The following VDAC1 variants were observed in gnomAD, a reference collection of about 807,000 sequenced individuals.
The protein encoded by VDAC1 is non-selective voltage-gated ion channel VDAC1.
VDAC1 carries 10 observed loss-of-function variants against 34.7 expected under a neutral mutation model. The observed-to-expected ratio is 0.29, with a 90% CI of 0.18 to 0.49. VDAC1 has a LOEUF of 0.49. Among genes scored for constraint, VDAC1 ranks in the 20% least tolerant of loss-of-function variants. The pLI is 0.99. For synonymous variants in VDAC1, 130 were observed against 136.0 expected (o/e 0.96, Z 0.30); for missense variants, 230 against 347.9 (o/e 0.66, Z 2.69).
At chr5:134,064,864 G>A in the VDAC1 span, among the ~76,000 whole-genome samples, 1 of 151,590 alleles carries the variant, frequency 6.6e-6, no homozygotes, top group Non-Finnish European at 1.5e-5. Flanking sequence ...ACCCACAGGC[G>A]TGCACCACCA....
At chr5:133,998,201 G>A (rs182060081) in intron 1 of VDAC1, among the ~76,000 whole-genome samples, 89 of 152,288 alleles carry the variant, frequency 5.8e-4, no homozygotes, top group Non-Finnish European at 1.1e-3. Context: ...TGAATGGATG[G>A]GAAAGCATGT....
the VDAC1 span, among the ~76,000 whole-genome samples, chr5:134,041,691 G>A: frequency 1.3e-5 from 2 of 152,186 alleles, no homozygotes; most frequent in African/African-American, 4.8e-5. Context: ...AAGGGGCCTT[G>A]GAGCCATGCC....
the VDAC1 span, among the ~76,000 whole-genome samples, chr5:134,108,922 C>T: frequency 3.7e-4 from 56 of 152,260 alleles, 1 homozygote; most frequent in Middle Eastern, 3.4e-3. Flanking sequence ...CCTAGGCTGA[C>T]CTAGGACCTC....
the VDAC1 span, among the ~76,000 whole-genome samples, chr5:134,018,567 T>A: frequency 3.3e-5 from 5 of 152,190 alleles, no homozygotes; most frequent in African/African-American, 1.2e-4. Context: ...CTGTTTAGTC[T>A]GCCTGTGGAG....
chr5:134,013,188 G>C, the VDAC1 span, among the ~76,000 whole-genome samples: 2 of 151,986 alleles, frequency 1.3e-5, no homozygotes, highest in African/African-American at 4.8e-5. Context: ...CCGCGGCAAA[G>C]AATTTATAAA....
At chr5:133,992,891 A>T in intron 2 of VDAC1, 55 bp downstream of exon 2, 1 of 1,565,016 alleles carries the variant, frequency 6.4e-7, no homozygotes, top group South Asian at 1.2e-5. Flanking sequence ...GTAAAGTCTC[A>T]AACATGCCAA....
chr5:134,052,059 C>T, the VDAC1 span, among the ~76,000 whole-genome samples: 1 of 151,366 alleles, frequency 6.6e-6, no homozygotes, highest in Non-Finnish European at 1.5e-5. Context: ...ACTCTCTGAC[C>T]TTCCCCTGAA....
chr5:134,003,904 A>G (rs1245084044), intron 1 of VDAC1, among the ~76,000 whole-genome samples: 1 of 152,226 alleles, frequency 6.6e-6, no homozygotes, highest in Non-Finnish European at 1.5e-5. Context: ...AGTTTCCAGA[A>G]TGCACCGCCG....
chr5:134,054,475 T>TTC, the VDAC1 span, among the ~76,000 whole-genome samples: 2 of 142,348 alleles, frequency 1.4e-5, no homozygotes, highest in Admixed American at 7.1e-5. Flanking sequence ...TTTTTTTTTT[T>TTC]CTTTTGATGG....
chr5:134,098,549 T>C, the VDAC1 span, among the ~76,000 whole-genome samples: 1 of 152,210 alleles, frequency 6.6e-6, no homozygotes, highest in South Asian at 2.1e-4. Flanking sequence ...TTCAGACCAG[T>C]CCTCTGCTAA....
chr5:134,109,335 G>T, the VDAC1 span, among the ~76,000 whole-genome samples: 3 of 152,170 alleles, frequency 2.0e-5, no homozygotes, highest in African/African-American at 7.2e-5. Flanking sequence ...TTTAGTGCAG[G>T]CGTATTCCTC....
At chr5:133,987,090 G>A (rs1293406205) in intron 5 of VDAC1, among the ~76,000 whole-genome samples, 1 of 152,222 alleles carries the variant, frequency 6.6e-6, no homozygotes, top group Non-Finnish European at 1.5e-5. Context: ...CAGGTGTGGT[G>A]GCTCACACCT....
the VDAC1 span, among the ~76,000 whole-genome samples, chr5:134,077,149 C>T: frequency 6.6e-6 from 1 of 151,812 alleles, no homozygotes; most frequent in Non-Finnish European, 1.5e-5. Context: ...TGGTGGCGTG[C>T]ACCTGTAATC....
chr5:134,094,190 C>T, the VDAC1 span, among the ~76,000 whole-genome samples: 116 of 152,358 alleles, frequency 7.6e-4, no homozygotes, highest in Non-Finnish European at 1.4e-3. Flanking sequence ...CCTGCCAGAG[C>T]ACTTGGATCC....
the VDAC1 span, among the ~76,000 whole-genome samples, chr5:134,101,309 G>T: frequency 6.6e-6 from 1 of 151,610 alleles, no homozygotes; most frequent in African/African-American, 2.4e-5. Context: ...CACAGGATTG[G>T]CCAGGCGCGG....
chr5:134,079,987 C>T, the VDAC1 span, among the ~76,000 whole-genome samples: 53 of 152,356 alleles, frequency 3.5e-4, no homozygotes, highest in African/African-American at 9.4e-4. Flanking sequence ...AGGCGGCCTG[C>T]GGTGGGGGCT....
the VDAC1 span, among the ~76,000 whole-genome samples, chr5:134,050,638 A>G: frequency 1.3e-5 from 2 of 152,188 alleles, no homozygotes; most frequent in Non-Finnish European, 2.9e-5. Context: ...AGCTTCCACA[A>G]TGTACTGGTT....
chr5:134,060,459 C>T, the VDAC1 span, among the ~76,000 whole-genome samples: 1 of 151,880 alleles, frequency 6.6e-6, no homozygotes, highest in Non-Finnish European at 1.5e-5. Flanking sequence ...TTCCAATAAT[C>T]GTGTTTCTTA....
At chr5:134,046,076 A>C in the VDAC1 span, among the ~76,000 whole-genome samples, 1 of 150,380 alleles carries the variant, frequency 6.6e-6, no homozygotes, top group East Asian at 2.0e-4. Flanking sequence ...CCCAAGCTGG[A>C]GTGCAGTGGC....
Sources: allele counts gnomAD v4.1 joint callset (sites outside exome capture counted in the v4.1 genomes callset), GRCh38; gene constraint gnomAD v4.1.1; transcripts MANE v1.5; gene names NCBI Gene and HGNC (gene_info 2026-07-23, HGNC 2026-07-21).